The following BTBD3 variants were observed in gnomAD, a reference collection of about 807,000 sequenced individuals.
BTBD3 encodes the protein BTB domain containing 3.
BTBD3 carries 14 observed loss-of-function variants against 41.6 expected under a neutral mutation model. The observed-to-expected ratio is 0.34, with a 90% CI of 0.22 to 0.53. The LOEUF is 0.53. Among genes scored for constraint, BTBD3 ranks in the 20% least tolerant of loss-of-function variants. The probability of loss-of-function intolerance (pLI) is 0.95; values close to 1 mark genes in which losing one functional copy is unlikely to be tolerated. For missense variants in BTBD3, 426 were observed against 654.7 expected (o/e 0.65, Z 3.81); for synonymous variants, 249 against 233.7 (o/e 1.07, Z -0.60).
At chr20:11,905,346 T>C (rs1024938981) in intron 1 of BTBD3, among the ~76,000 whole-genome samples, 5 of 150,956 alleles carry the variant, frequency 3.3e-5, no homozygotes, top group African/African-American at 1.2e-4. Context: ...GTGTTTTTTC[T>C]CAAGGAAACC....
Position 11,918,525 on chromosome 20 carries a change from C to T in BTBD3, c.250C>T (p.His84Tyr). The T allele has an allele frequency of 6.2e-7, 1 of 1,614,134 alleles. No homozygotes were observed. Among genetic ancestry groups the T allele is most frequent in the Non-Finnish European group, 8.5e-7 (1 of 1,180,006 alleles). The change falls in exon 1 of 4, where the codon CAC (histidine) becomes TAC (tyrosine). Residue 84 changes from histidine (H) to tyrosine (Y), a missense_variant. His to Tyr is a moderately conservative substitution (Grantham distance 83). This residue lies in a region of BTBD3 where 52 missense variants were observed against 45.1 expected (regional missense o/e 1.15). Transcript: ENST00000378226. ...NSSSTSVQQYHQQNLSNNNLI... is the reference protein window; with the variant it reads ...NSSSTSVQQYYQQNLSNNNLI... ...CAGCAGCACCAGCGTCCAGCAGTAC[C>T]ACCAGCAGAATCTCAGTAACAACAA...
intron 1 of BTBD3, among the ~76,000 whole-genome samples, chr20:11,906,411 A>T (rs2056855314): frequency 6.6e-6 from 1 of 151,380 alleles, no homozygotes; most frequent in South Asian, 2.1e-4. Flanking sequence ...TTACAGGCAC[A>T]TGCCACCACA....
At chr20:11,920,932 A>G (rs1183986684) in intron 3 of BTBD3, among the ~76,000 whole-genome samples, 1 of 111,452 alleles carries the variant, frequency 9.0e-6, no homozygotes, top group Admixed American at 1.0e-4. Context: ...TTTGAAATAT[A>G]ATTGTCACTG....
intron 1 of BTBD3, among the ~76,000 whole-genome samples, chr20:11,892,269 A>G (rs2056759637): frequency 6.6e-6 from 1 of 151,374 alleles, no homozygotes; most frequent in Non-Finnish European, 1.5e-5. Context: ...GCCCGCTTTC[A>G]CTGACTCCCT....
At chr20:11,898,880 A>C (rs1242089860) in intron 1 of BTBD3, among the ~76,000 whole-genome samples, 1 of 152,200 alleles carries the variant, frequency 6.6e-6, no homozygotes, top group African/African-American at 2.4e-5. Flanking sequence ...CTTAACTGAC[A>C]AAAAAGCCTG....
At chr20:11,909,608 T>C (rs2056877285) in intron 1 of BTBD3, 1 of 152,184 alleles carries the variant, frequency 6.6e-6, no homozygotes, top group South Asian at 2.1e-4. Flanking sequence ...TTAGATCTTG[T>C]ATTGTTTGCC....
At position 11,925,296 on chromosome 20, in the gene BTBD3, GTCC is replaced by G. The variant is rs1006741050; in HGVS notation, c.*1635_*1637del. 5.9e-5 allele frequency: 9 copies of G among 152,666 alleles called. No individual in the cohort carries two copies. Among genetic ancestry groups the G allele is most frequent in the South Asian group, 2.1e-4 (1 of 4,832 alleles). The allele number at this position is 152,666 out of a possible 1,614,324, so 9.5% of individuals were successfully genotyped here. On this transcript the variant is annotated 3_prime_UTR_variant, in exon 4 of 4. Transcript: ENST00000378226. ...GCTAGTAAGAGGTGGGACAGTAATG[GTCC>G]TCCTGCTGGCCCCAGCAAGGCCCAT...
chr20:11,895,799 C>CTTTT (rs1438408155), intron 1 of BTBD3, among the ~76,000 whole-genome samples: 2 of 152,182 alleles, frequency 1.3e-5, no homozygotes, highest in Non-Finnish European at 1.5e-5. Flanking sequence ...ACCTGTCACC[C>CTTTT]TTTTACCCTC....
intron 1 of BTBD3, among the ~76,000 whole-genome samples, chr20:11,895,240 G>T (rs1268234255): frequency 2.0e-5 from 3 of 152,052 alleles, no homozygotes; most frequent in African/African-American, 4.8e-5. Flanking sequence ...TTTAATCATA[G>T]ATTTAGAATA....
upstream of BTBD3, among the ~76,000 whole-genome samples, chr20:11,914,178 C>A (rs2056904720): frequency 6.6e-6 from 1 of 152,138 alleles, no homozygotes; most frequent in African/African-American, 2.4e-5. Context: ...AGGCTGCTAT[C>A]CTTTTTTACC....
intron 1 of BTBD3, among the ~76,000 whole-genome samples, chr20:11,907,428 G>A (rs1328403307): frequency 1.3e-5 from 2 of 152,172 alleles, no homozygotes; most frequent in African/African-American, 4.8e-5. Flanking sequence ...AGGACCAGTT[G>A]CACCCCACAA....
At chr20:11,911,885 G>A (rs6078386) in intron 1 of BTBD3, among the ~76,000 whole-genome samples, 2 of 152,090 alleles carry the variant, frequency 1.3e-5, no homozygotes, top group South Asian at 2.1e-4. Flanking sequence ...TTCCAAACAA[G>A]GTGCACACTG....
rs942348665 is a variant in BTBD3, at chr20:11,926,104, G to T, written c.*2438G>T. On this transcript the variant is annotated 3_prime_UTR_variant, in exon 4 of 4. Coordinates refer to ENST00000378226, the MANE Select transcript of BTBD3 (RefSeq NM_014962.4). ...TGCTTTATTTACTTTTGTAATCTTGGATTTTGTAGCTTTTAAAACTAGAAA... is the reference window on the plus strand; with the variant it reads ...TGCTTTATTTACTTTTGTAATCTTGTATTTTGTAGCTTTTAAAACTAGAAA... 1 of 152,462 alleles carries T rather than the reference G, an allele frequency of 6.6e-6. No homozygotes were observed. The highest frequency in any genetic ancestry group is 2.4e-5 in the African/African-American group (1 of 41,428). The allele number at this position is 152,462 out of a possible 1,614,324, so 9.4% of individuals were successfully genotyped here.
upstream of BTBD3, chr20:11,913,814 A>T (rs2056903047): frequency 6.6e-6 from 1 of 152,214 alleles, no homozygotes; most frequent in South Asian, 2.1e-4. Flanking sequence ...GGTGAAAAGG[A>T]TGATCTAAGT....
intron 1 of BTBD3, chr20:11,891,089 G>C: frequency 3.3e-6 from 2 of 606,272 alleles, no homozygotes; most frequent in Non-Finnish European, 2.1e-6. Context: ...GCTGGTGGCC[G>C]CAGGTCGGCC....
chr20:11,922,567 G>T (rs1185864704), intron 3 of BTBD3, 67 bp from the exon 4 acceptor site: 3 of 1,425,412 alleles, frequency 2.1e-6, no homozygotes, highest in Non-Finnish European at 9.6e-7. Flanking sequence ...GAAAGTGGTT[G>T]TATCTTTTCT....
At chr20:11,893,224 G>A (rs141913133) in intron 1 of BTBD3, among the ~76,000 whole-genome samples, 3,422 of 152,196 alleles carry the variant, frequency 0.022, 64 homozygotes, top group Non-Finnish European at 0.033. Context: ...AACTTTGTAA[G>A]TTATCAGACT....
intron 1 of BTBD3, chr20:11,918,852 T>C: frequency 1.8e-6 from 1 of 568,226 alleles, no homozygotes; most frequent in African/African-American, 1.9e-5. Flanking sequence ...TGGGAACCTT[T>C]TATTTGTCCT....
chr20:11,904,292 A>G (rs1042179142), intron 1 of BTBD3, among the ~76,000 whole-genome samples: 5 of 152,194 alleles, frequency 3.3e-5, no homozygotes, highest in African/African-American at 1.2e-4. Context: ...ACGCGCTGGC[A>G]GGAGAGAGCA....
Sources: gnomAD v4.1 joint callset for allele counts (sites outside exome capture counted in the v4.1 genomes callset) on GRCh38, gnomAD v4.1.1 for gene constraint, gnomAD v4.1.1 regional missense constraint, MANE v1.5 for transcripts, NCBI Gene and HGNC (gene_info 2026-07-23, HGNC 2026-07-21) for gene names.